Variants in GGH observed in about 807,000 individuals in gnomAD.
GGH encodes the protein gamma-glutamyl hydrolase, also known as gamma-Glu-X carboxypeptidase.
A neutral mutation model predicts 39.2 loss-of-function variants in GGH; 18 were observed. The ratio of observed to expected loss-of-function variants is 0.46; its 90% CI spans 0.32 to 0.68. The LOEUF is 0.68. Ranked by LOEUF, GGH falls within the 30% of genes least tolerant of loss-of-function variation. The pLI is 0.04. For synonymous variants in GGH, 147 were observed against 138.8 expected (o/e 1.06, Z -0.42); for missense variants, 367 against 384.1 (o/e 0.96, Z 0.37).
At chr8:63,027,007 T>A (rs1804698700) in intron 4 of GGH, 174 bp downstream of exon 4, 2 of 619,256 alleles carry the variant, frequency 3.2e-6, no homozygotes, top group South Asian at 1.9e-5. Context: ...CAGGATTAGA[T>A]GAAGCACATG....
At chr8:63,017,739 C>G (rs1438964531) in intron 7 of GGH, 109 bp from the exon 8 acceptor site, 1 of 644,456 alleles carries the variant, frequency 1.6e-6, no homozygotes, top group Non-Finnish European at 2.6e-6. Flanking sequence ...CCTTATCAGA[C>G]AAGGTAAAAT....
At chr8:63,028,069 T>C (rs777812157) in intron 3 of GGH, 1 of 152,198 alleles carries the variant, frequency 6.6e-6, no homozygotes, top group Admixed American at 6.5e-5. Context: ...GCTTGAGATA[T>C]GTGAAATATC....
intron 3 of GGH, among the ~76,000 whole-genome samples, chr8:63,027,591 C>A (rs1804717951): frequency 6.6e-6 from 1 of 151,960 alleles, no homozygotes; most frequent in Non-Finnish European, 1.5e-5. Flanking sequence ...CAAAGACAGA[C>A]AAAATTCCAG....
intron 1 of GGH, 39 bp downstream of exon 1, chr8:63,038,621 C>A (rs750144213): frequency 8.6e-7 from 1 of 1,166,650 alleles, no homozygotes; most frequent in South Asian, 1.7e-5. Context: ...CAACACCCAG[C>A]TCCTCCCCGT....
intron 5 of GGH, chr8:63,025,346 T>C (rs1804664556): frequency 2.0e-5 from 3 of 152,130 alleles, no homozygotes; most frequent in Non-Finnish European, 2.9e-5. Flanking sequence ...GGGCTGGAGA[T>C]TGAGTTCAAT....
chr8:63,038,374 G>C (rs771054004), intron 1 of GGH, among the ~76,000 whole-genome samples: 2 of 152,198 alleles, frequency 1.3e-5, no homozygotes, highest in Admixed American at 6.5e-5. Context: ...GAAATTCCTA[G>C]CTGTGTACAA....
At chr8:63,030,991 G>C (rs1161959494) in intron 2 of GGH, among the ~76,000 whole-genome samples, 1 of 152,210 alleles carries the variant, frequency 6.6e-6, no homozygotes, top group Admixed American at 6.5e-5. Flanking sequence ...TAAGGGAAGA[G>C]AGCACCAAGT....
chr8:63,017,217 CA>C (rs1454917816), intron 8 of GGH: 831 of 284,734 alleles, frequency 2.9e-3, no homozygotes, highest in Middle Eastern at 5.1e-3. Context: ...AAAAAGAAAC[CA>C]AAAAAAAAAC....
Position 63,038,791 on chromosome 8 carries a change from C to G in GGH, c.-23G>C, listed in dbSNP as rs899942393. ...CATGGCGCTCGCCGCCTCCCGCCGC[C>G]TTTCAAAAGCTCTGCGGGCGGGCGG... is the stretch of plus-strand genomic sequence containing the variant. On this transcript the variant is annotated 5_prime_UTR_variant, in exon 1 of 9. Transcript: ENST00000260118. The G allele has an allele frequency of 7.7e-6, 11 of 1,425,074 alleles. No homozygotes were observed. Among genetic ancestry groups the G allele is most frequent in the Admixed American group, 6.9e-5 (3 of 43,562 alleles). The allele number at this position is 1,425,074 out of a possible 1,614,324, so 88.3% of individuals were successfully genotyped here. A position where few individuals can be genotyped will look rare whatever the true frequency, so the allele number is the denominator to read the frequency against.
chr8:63,024,715 C>G (rs1200269236), intron 5 of GGH: 1 of 151,698 alleles, frequency 6.6e-6, no homozygotes. Flanking sequence ...TCTGCACAGA[C>G]TCAAACACCA....
chr8:63,035,645 C>G lies in GGH; in HGVS notation c.224+11G>C. The G allele has an allele frequency of 1.9e-6, 3 of 1,576,856 alleles. No homozygotes were observed. In the South Asian group the frequency reaches 3.6e-5, roughly 19 times the overall value. On this transcript the variant is annotated intron_variant, in intron 2 of 8. Coordinates refer to ENST00000260118, the MANE Select transcript of GGH (RefSeq NM_003878.3). ...ACAGAGTAAAAAAAAAAAAAAAACA[C>G]TGAATCATACCTTACTGGTACAACT...
At chr8:63,032,326 G>A (rs981084345) in intron 2 of GGH, among the ~76,000 whole-genome samples, 4 of 152,102 alleles carry the variant, frequency 2.6e-5, no homozygotes, top group African/African-American at 4.8e-5. Context: ...GTGAGCCACC[G>A]CGCCCAGCCT....
intron 3 of GGH, chr8:63,028,116 G>A (rs1360238370): frequency 6.6e-6 from 1 of 152,022 alleles, no homozygotes; most frequent in Non-Finnish European, 1.5e-5. Flanking sequence ...AATATATTCT[G>A]TTTCTTCCAT....
At chr8:63,024,239 C>A in intron 5 of GGH, 53 bp from the exon 6 acceptor site, 1 of 1,062,626 alleles carries the variant, frequency 9.4e-7, no homozygotes, top group Non-Finnish European at 1.4e-6. Flanking sequence ...AAATAAAATC[C>A]ACTGAAGTCA....
chr8:63,019,679 G>A (rs1395070735), intron 7 of GGH, among the ~76,000 whole-genome samples: 1 of 152,222 alleles, frequency 6.6e-6, no homozygotes, highest in Non-Finnish European at 1.5e-5. Flanking sequence ...TGCTTTTTAT[G>A]TGTTTTCAGA....
intron 5 of GGH, 55 bp from the exon 6 acceptor site, chr8:63,024,241 C>T (rs1320323956): frequency 4.7e-6 from 5 of 1,064,246 alleles, no homozygotes; most frequent in Non-Finnish European, 7.1e-6. Flanking sequence ...ATAAAATCCA[C>T]TGAAGTCACT....
At chr8:63,020,898 T>C (rs961308503) in intron 7 of GGH, among the ~76,000 whole-genome samples, 1 of 152,126 alleles carries the variant, frequency 6.6e-6, no homozygotes, top group South Asian at 2.1e-4. Context: ...GAAGATGGGT[T>C]TGTGGAAGCC....
intron 1 of GGH, among the ~76,000 whole-genome samples, chr8:63,036,157 A>G (rs1804904390): frequency 6.6e-6 from 1 of 152,220 alleles, no homozygotes; most frequent in Non-Finnish European, 1.5e-5. Flanking sequence ...GAGTGAAAAC[A>G]TCTTCCATCC....
chr8:63,022,750 A>G (rs1420405554), intron 7 of GGH, among the ~76,000 whole-genome samples: 5 of 151,186 alleles, frequency 3.3e-5, no homozygotes, highest in African/African-American at 1.2e-4. Flanking sequence ...CTGGTCTTGA[A>G]CTTCTGACCT....
Sources: allele counts gnomAD v4.1 joint callset (sites outside exome capture counted in the v4.1 genomes callset), GRCh38; gene constraint gnomAD v4.1.1; transcripts MANE v1.5; gene names NCBI Gene and HGNC (gene_info 2026-07-23, HGNC 2026-07-21).